KIDINS220: variants seen among roughly 807,000 people sequenced by gnomAD.
KIDINS220 encodes the protein kinase D-interacting substrate of 220 kDa.
A neutral mutation model predicts 157.6 loss-of-function variants in KIDINS220; 63 were observed. The observed-to-expected ratio is 0.40, with a 90% CI of 0.33 to 0.49. KIDINS220 has a LOEUF of 0.49. KIDINS220 is among the 20% of genes least tolerant of loss of function. KIDINS220 has a pLI of 0.66. For synonymous variants in KIDINS220, 732 were observed against 783.6 expected, an observed-to-expected ratio of 0.93 and a Z score of 1.10; for missense variants, 1,772 against 2,171.2, an observed-to-expected ratio of 0.82 and a Z score of 3.65.
chr2:8,782,373 C>T (rs1302707939), intron 17 of KIDINS220, among the ~76,000 whole-genome samples: 1 of 152,058 alleles, frequency 6.6e-6, no homozygotes, highest in Non-Finnish European at 1.5e-5. Context: ...CCACTTTAGA[C>T]CTACCTCATG....
rs191848939 is a variant in KIDINS220 at position 8,735,260 on chromosome 2, G to A, written c.3718-507C>T. ...CTATTAAATTCACAAGGCCCGGCGC[G>A]GTGGCTCACGCATGTAATCCCAGAA... On this transcript the variant is annotated intron_variant, in intron 27 of 29. Transcript: ENST00000256707. 1.5e-4 allele frequency among the ~76,000 whole-genome samples: 23 copies of A among 152,288 alleles called. No homozygotes were observed. The South Asian group carries it at 4.1e-3, about 27-fold the overall frequency.
At chr2:8,827,182 C>A in intron 1 of KIDINS220, 53 bp from the exon 2 acceptor site, 1 of 683,974 alleles carries the variant, frequency 1.5e-6, no homozygotes. Flanking sequence ...AATTAAGTTA[C>A]TATTAAATAC....
At chr2:8,834,336 C>G (rs1680085597) in intron 1 of KIDINS220, among the ~76,000 whole-genome samples, 1 of 151,860 alleles carries the variant, frequency 6.6e-6, no homozygotes, top group Admixed American at 6.6e-5. Context: ...TCCCTAAGCT[C>G]AACTCTTGCT....
chr2:8,832,435 G>T (rs1679778562), intron 1 of KIDINS220, among the ~76,000 whole-genome samples: 2 of 152,158 alleles, frequency 1.3e-5, no homozygotes, highest in Non-Finnish European at 2.9e-5. Flanking sequence ...TAAAACCAAT[G>T]ACACGCTGTC....
intron 6 of KIDINS220, among the ~76,000 whole-genome samples, chr2:8,811,831 T>G (rs1284192314): frequency 6.7e-6 from 1 of 150,324 alleles, no homozygotes; most frequent in African/African-American, 2.4e-5. Context: ...TGATGGCAAA[T>G]GGGCAGAGCC....
chr2:8,774,469 AG>A lies in KIDINS220; in HGVS notation c.2848+2278del, dbSNP rs565731794. ...TGTTGAGTAAAACAAAGCAGGGAAC[AG>A]GTAACGCAAAGCATACCAAAGAAGA... On this transcript the variant is annotated intron_variant, in intron 21 of 29. Coordinates refer to ENST00000256707, the MANE Select transcript of KIDINS220 (RefSeq NM_020738.4). Among the ~76,000 whole-genome samples the A allele has an allele frequency of 1.1e-3, 162 of 152,288 alleles. 1 individual carries two copies. Among genetic ancestry groups the A allele is most frequent in the African/African-American group, 3.7e-3 (153 of 41,572 alleles).
chr2:8,779,998 T>A (rs1671478743), intron 17 of KIDINS220, among the ~76,000 whole-genome samples, 184 bp from the exon 18 acceptor site: 1 of 152,224 alleles, frequency 6.6e-6, no homozygotes, highest in South Asian at 2.1e-4. Flanking sequence ...TGACTACACA[T>A]AAATTACAGC....
chr2:8,784,053 C>T (rs1306200839), intron 17 of KIDINS220, among the ~76,000 whole-genome samples: 2 of 151,960 alleles, frequency 1.3e-5, no homozygotes, highest in Non-Finnish European at 2.9e-5. Context: ...GTGTGGTATG[C>T]GCAAACGAAC....
At chr2:8,835,603 G>T (rs1680281730) in intron 1 of KIDINS220, among the ~76,000 whole-genome samples, 1 of 147,058 alleles carries the variant, frequency 6.8e-6, no homozygotes, top group African/African-American at 2.5e-5. Flanking sequence ...GGGCTGCAGT[G>T]AGCCAAGATC....
At chr2:8,818,608 A>T in intron 3 of KIDINS220, 87 bp downstream of exon 3, 3 of 719,266 alleles carry the variant, frequency 4.2e-6, no homozygotes, top group Non-Finnish European at 4.7e-6. Context: ...AAAAGTTTTA[A>T]TTACTACTTT....
Position 8,748,209 on chromosome 2 carries a change from T to C in KIDINS220, c.3415-209A>G, listed in dbSNP as rs117727916. ...ACATTTTTATATTGGTCATTTCATA[T>C]AAGCTTTTTTCAGAAAAATGAGCAA... On this transcript the variant is annotated intron_variant, in intron 24 of 29. Transcript: ENST00000256707. 4.6e-5 allele frequency among the ~76,000 whole-genome samples: 7 copies of C among 152,338 alleles called. No homozygotes were observed. In the East Asian group the frequency reaches 1.3e-3, roughly 29 times the overall value.
chr2:8,772,930 C>T (rs1239288541), intron 21 of KIDINS220, among the ~76,000 whole-genome samples: 1 of 152,038 alleles, frequency 6.6e-6, no homozygotes, highest in Non-Finnish European at 1.5e-5. Flanking sequence ...TGACTCAAAC[C>T]CAAGTCTTTT....
At chr2:8,789,854 G>A in intron 14 of KIDINS220, 26 bp downstream of exon 14, 1 of 1,514,796 alleles carries the variant, frequency 6.6e-7, no homozygotes. Flanking sequence ...CTCCATTTTT[G>A]AAAAAGATAA....
At chr2:8,793,148 A>C (rs1004803658) in intron 12 of KIDINS220, among the ~76,000 whole-genome samples, 1 of 152,130 alleles carries the variant, frequency 6.6e-6, no homozygotes, top group African/African-American at 2.4e-5. Context: ...TCATTCTTGA[A>C]ATGTAATTAG....
At chr2:8,757,507 G>A (rs1668159058) in intron 22 of KIDINS220, 1 of 1,426,744 alleles carries the variant, frequency 7.0e-7, no homozygotes. Context: ...AGAAGTGACT[G>A]TACTGTTGTT....
chr2:8,811,672 T>C (rs1250924229), intron 6 of KIDINS220, among the ~76,000 whole-genome samples: 1 of 152,152 alleles, frequency 6.6e-6, no homozygotes, highest in Non-Finnish European at 1.5e-5. Context: ...GCCTGGGTTT[T>C]ATCCCGAAAC....
chr2:8,761,814 C>A (rs563055999), intron 22 of KIDINS220, among the ~76,000 whole-genome samples: 2 of 152,272 alleles, frequency 1.3e-5, no homozygotes, highest in East Asian at 3.9e-4. Flanking sequence ...TGGTTTTACA[C>A]CAGCAGCTAG....
intron 24 of KIDINS220, 36 bp from the exon 25 acceptor site, chr2:8,748,036 A>G: frequency 8.2e-7 from 1 of 1,218,956 alleles, no homozygotes; most frequent in Non-Finnish European, 1.1e-6. Context: ...GGGGTAAACA[A>G]TTACAGAAAT....
downstream of KIDINS220, chr2:8,726,890 A>G: frequency 4.7e-6 from 6 of 1,287,242 alleles, no homozygotes; most frequent in Non-Finnish European, 6.1e-6. Context: ...TACATACCTT[A>G]GTTTAATCTG....
Sources: gnomAD v4.1 joint callset for allele counts (sites outside exome capture counted in the v4.1 genomes callset) on GRCh38, gnomAD v4.1.1 for gene constraint, MANE v1.5 for transcripts, NCBI Gene and HGNC (gene_info 2026-07-23, HGNC 2026-07-21) for gene names.